PARD3B: variants seen among roughly 807,000 people sequenced by gnomAD.
PARD3B encodes the protein par-3 family cell polarity regulator beta.
In PARD3B, 103 loss-of-function variants were observed where a neutral mutation model predicts 130.2. The observed-to-expected ratio is 0.79, with a 90% CI of 0.67 to 0.93. The LOEUF (loss-of-function observed/expected upper bound fraction) is 0.93. Ranked by LOEUF, PARD3B falls within the 40% of genes least tolerant of loss-of-function variation. The pLI is 0.00. For synonymous variants in PARD3B, 583 were observed against 553.2 expected, an observed-to-expected ratio of 1.05 and a Z score of -0.76; for missense variants, 1,609 against 1,499.2, an observed-to-expected ratio of 1.07 and a Z score of -1.21.
chr2:205,357,896 G>A (rs1313832906), intron 18 of PARD3B, among the ~76,000 whole-genome samples: 1 of 152,208 alleles, frequency 6.6e-6, no homozygotes, highest in Non-Finnish European at 1.5e-5. Flanking sequence ...AAAGCACACA[G>A]TCATTGAATC....
At chr2:204,717,299 C>T (rs1009858574) in intron 2 of PARD3B, among the ~76,000 whole-genome samples, 3 of 152,148 alleles carry the variant, frequency 2.0e-5, no homozygotes, top group South Asian at 4.1e-4. Context: ...TCTTTTAAGT[C>T]CAAGAATATG....
intron 4 of PARD3B, among the ~76,000 whole-genome samples, chr2:205,054,402 T>TATATATATATATATATA (rs1559392745): frequency 5.1e-5 from 2 of 39,284 alleles, no homozygotes; most frequent in African/African-American, 7.5e-5. Context: ...ATGACATGTC[T>TATATATATATATATATA]TTTATATATA....
chr2:204,811,617 G>T (rs2042965031), intron 2 of PARD3B, among the ~76,000 whole-genome samples: 1 of 152,038 alleles, frequency 6.6e-6, no homozygotes, highest in Non-Finnish European at 1.5e-5. Context: ...GAATGGGGTG[G>T]GACAACATCA....
intron 2 of PARD3B, among the ~76,000 whole-genome samples, chr2:204,800,575 C>A (rs1296422712): frequency 6.6e-6 from 1 of 152,076 alleles, no homozygotes; most frequent in Non-Finnish European, 1.5e-5. Flanking sequence ...GACCTCAAGG[C>A]ATTTAATAAT....
chr2:204,839,479 T>C (rs1010634320), intron 2 of PARD3B, among the ~76,000 whole-genome samples: 15 of 152,186 alleles, frequency 9.9e-5, no homozygotes, highest in African/African-American at 3.6e-4. Flanking sequence ...ATGTTTACCT[T>C]AAGCCTGGCC....
At chr2:205,112,262 C>T (rs1229760523) in intron 5 of PARD3B, among the ~76,000 whole-genome samples, 1 of 151,908 alleles carries the variant, frequency 6.6e-6, no homozygotes, top group East Asian at 1.9e-4. Flanking sequence ...CTGATGTGCT[C>T]CTTTTTGCAT....
At chr2:205,192,656 T>A (rs1199023461) in intron 14 of PARD3B, among the ~76,000 whole-genome samples, 1 of 152,244 alleles carries the variant, frequency 6.6e-6, no homozygotes, top group Non-Finnish European at 1.5e-5. Flanking sequence ...TATTTCCTTT[T>A]GGCACTTTTG....
chr2:205,615,740 G>A lies in PARD3B; in HGVS notation c.3545G>A (p.Gly1182Glu), dbSNP rs776303427. 13 of 1,614,116 alleles carry A rather than the reference G, an allele frequency of 8.1e-6. No homozygotes were observed. Among genetic ancestry groups the A allele is most frequent in the Non-Finnish European group, 1.1e-5 (13 of 1,180,018 alleles). ...YQETGRPGPRGGSPDQYPYRT... is the reference protein window; with the variant it reads ...YQETGRPGPREGSPDQYPYRT... ...GAAACAGGCAGACCAGGGCCCCGTG[G>A]GGGCAGCCCAGACCAGTACCCTTAC... The change falls in exon 23 of 23, where the codon GGG becomes GAG. Residue 1182 changes from glycine to glutamate, a missense_variant. Physicochemically the swap from Gly to Glu is moderately conservative, Grantham distance 98 (BLOSUM62 -2). Coordinates refer to ENST00000406610, the MANE Select transcript of PARD3B (RefSeq NM_001302769.2).
intron 2 of PARD3B, among the ~76,000 whole-genome samples, chr2:204,804,586 G>T (rs912001747): frequency 6.6e-6 from 1 of 152,134 alleles, no homozygotes; most frequent in African/African-American, 2.4e-5. Context: ...AGATCATCCA[G>T]AGTATCAACA....
chr2:204,566,988 C>T (rs1455414133), intron 1 of PARD3B, among the ~76,000 whole-genome samples: 2 of 151,918 alleles, frequency 1.3e-5, no homozygotes, highest in Non-Finnish European at 2.9e-5. Context: ...AAGTGACTCT[C>T]CTGCCTCAGC....
chr2:204,729,647 T>A (rs1364617494), intron 2 of PARD3B, among the ~76,000 whole-genome samples: 1 of 152,176 alleles, frequency 6.6e-6, no homozygotes, highest in Non-Finnish European at 1.5e-5. Context: ...CCCCAGATAA[T>A]GAAAGGTGCA....
chr2:204,928,474 T>C (rs1687795936), intron 2 of PARD3B, among the ~76,000 whole-genome samples: 1 of 152,150 alleles, frequency 6.6e-6, no homozygotes, highest in African/African-American at 2.4e-5. Context: ...ATTTTAAACA[T>C]CAATTTAACA....
At chr2:204,627,888 C>A (rs1291968607) in intron 1 of PARD3B, among the ~76,000 whole-genome samples, 2 of 151,820 alleles carry the variant, frequency 1.3e-5, no homozygotes, top group Non-Finnish European at 2.9e-5. Flanking sequence ...ATTTTATAAT[C>A]TAGATCAAGC....
rs546391068 is a variant in PARD3B, at chr2:204,810,345, A to G, written c.222+124063A>G. Among the ~76,000 whole-genome samples the G allele has an allele frequency of 3.3e-5, 5 of 152,276 alleles. No homozygotes were observed. The East Asian group carries it at 9.7e-4, about 29-fold the overall frequency. On this transcript the variant is annotated intron_variant, in intron 2 of 22. Coordinates refer to ENST00000406610, the MANE Select transcript of PARD3B (RefSeq NM_001302769.2). ...GCCTCTTTTCAAGGGGAATGTTTCC[A>G]GTTTTTCCCCATTCAGTATGATGTT...
chr2:205,046,527 T>A (rs926888518), intron 3 of PARD3B, among the ~76,000 whole-genome samples: 7 of 151,008 alleles, frequency 4.6e-5, no homozygotes, highest in Admixed American at 1.3e-4. Context: ...TGGACAAAGA[T>A]AAAAAAATAT....
intron 2 of PARD3B, among the ~76,000 whole-genome samples, chr2:204,736,968 A>G (rs953482326): frequency 2.0e-5 from 3 of 152,054 alleles, no homozygotes; most frequent in African/African-American, 7.2e-5. Context: ...ATTTATTGAG[A>G]TGGAGTTTTG....
At chr2:204,781,740 C>A (rs2041839922) in intron 2 of PARD3B, among the ~76,000 whole-genome samples, 1 of 152,058 alleles carries the variant, frequency 6.6e-6, no homozygotes, top group Non-Finnish European at 1.5e-5. Context: ...CCTGTAGTAA[C>A]CAAGTCCAGT....
chr2:204,747,286 G>T (rs926919209), intron 2 of PARD3B, among the ~76,000 whole-genome samples: 4 of 152,046 alleles, frequency 2.6e-5, no homozygotes, highest in Non-Finnish European at 5.9e-5. Flanking sequence ...TCAGATGGTT[G>T]TAGATGTGTG....
At chr2:205,165,486 C>T (rs2034755194) in intron 11 of PARD3B, among the ~76,000 whole-genome samples, 1 of 147,168 alleles carries the variant, frequency 6.8e-6, no homozygotes. Flanking sequence ...ATGGTTTATG[C>T]ATATGTTAAC....
Sources: gnomAD v4.1 joint callset for allele counts (sites outside exome capture counted in the v4.1 genomes callset) on GRCh38, gnomAD v4.1.1 for gene constraint, MANE v1.5 for transcripts, NCBI Gene and HGNC (gene_info 2026-07-23, HGNC 2026-07-21) for gene names.